Variants in SCLT1 observed in about 807,000 individuals in gnomAD.
The protein encoded by SCLT1 is sodium channel-associated protein 1.
Under a neutral mutation model 112.8 loss-of-function variants are expected in SCLT1, and 78 were observed. That is an observed-to-expected ratio of 0.69 (90% CI 0.58 to 0.83). The LOEUF is 0.83. Ranked by LOEUF, SCLT1 falls within the 40% of genes least tolerant of loss-of-function variation. SCLT1 has a pLI of 0.00. For synonymous variants in SCLT1, 257 were observed against 254.7 expected, an observed-to-expected ratio of 1.01 and a Z score of -0.09; for missense variants, 747 against 770.4, an observed-to-expected ratio of 0.97 and a Z score of 0.36.
chr4:129,008,197 T>C (rs1019454544), intron 5 of SCLT1, among the ~76,000 whole-genome samples: 2 of 152,232 alleles, frequency 1.3e-5, no homozygotes, highest in Non-Finnish European at 2.9e-5. Flanking sequence ...TCCTTCTTTT[T>C]TGGGATTTGG....
rs528905688 is a variant in SCLT1 at position 129,053,557 on chromosome 4, A to ATTTTTTTT, written c.103-9514_103-9507dup. 6.6e-4 allele frequency among the ~76,000 whole-genome samples: 30 copies of ATTTTTTTT among 45,232 alleles called. 3 individuals are homozygous for ATTTTTTTT. Among genetic ancestry groups the ATTTTTTTT allele is most frequent in the South Asian group, 1.2e-3 (1 of 868 alleles). 29.7% of individuals were successfully genotyped at this position (45,232 alleles called of 152,430 possible). On this transcript the variant is annotated intron_variant, in intron 2 of 20. Coordinates refer to ENST00000281142, the MANE Select transcript of SCLT1 (RefSeq NM_144643.4). The stretch of plus-strand genomic sequence containing the variant: ...TTAGAGACTAGGATTGCAATCCCTG[A>ATTTTTTTT]TTTTTTTTTTTTTTTTTTTTTTTTT...
chr4:128,962,448 T>C (rs772824801), intron 11 of SCLT1, among the ~76,000 whole-genome samples: 7 of 152,200 alleles, frequency 4.6e-5, no homozygotes, highest in Non-Finnish European at 1.0e-4. Flanking sequence ...CAGACGTTAA[T>C]TGTATATTAT....
intron 18 of SCLT1, among the ~76,000 whole-genome samples, chr4:128,915,534 T>A (rs1735407241): frequency 6.6e-6 from 1 of 152,308 alleles, no homozygotes; most frequent in East Asian, 1.9e-4. Flanking sequence ...TATACAGCAG[T>A]GGTACAATTA....
At chr4:129,042,893 T>G (rs1020356039) in intron 4 of SCLT1, among the ~76,000 whole-genome samples, 1 of 151,786 alleles carries the variant, frequency 6.6e-6, no homozygotes, top group Non-Finnish European at 1.5e-5. Context: ...GCCAACATGG[T>G]GAAACTCCAT....
intron 18 of SCLT1, among the ~76,000 whole-genome samples, chr4:128,899,800 T>C (rs181198978): frequency 6.6e-6 from 1 of 152,342 alleles, no homozygotes; most frequent in Admixed American, 6.5e-5. Context: ...CAAAATCTCC[T>C]TAAGCTGATA....
intron 14 of SCLT1, chr4:128,952,520 T>C: frequency 3.6e-6 from 2 of 557,454 alleles, no homozygotes; most frequent in Non-Finnish European, 6.6e-6. Context: ...AGCAATAGCA[T>C]CCTGTGCATT....
chr4:129,026,716 G>A (rs1236974280), intron 5 of SCLT1, among the ~76,000 whole-genome samples: 1 of 152,156 alleles, frequency 6.6e-6, no homozygotes, highest in African/African-American at 2.4e-5. Flanking sequence ...AGAACTGAAG[G>A]AAACAGAGAC....
intron 18 of SCLT1, among the ~76,000 whole-genome samples, chr4:128,931,325 C>T (rs1021150321): frequency 1.3e-5 from 2 of 152,062 alleles, no homozygotes; most frequent in Non-Finnish European, 2.9e-5. Context: ...GACAGTATGA[C>T]TAAAAAGGAA....
intron 18 of SCLT1, among the ~76,000 whole-genome samples, chr4:128,899,951 A>G (rs1474850787): frequency 6.6e-6 from 1 of 152,206 alleles, no homozygotes; most frequent in East Asian, 1.9e-4. Context: ...TAAAATACCT[A>G]GGAATCCAAC....
At chr4:129,028,951 G>C (rs1361231951) in intron 5 of SCLT1, among the ~76,000 whole-genome samples, 4 of 152,152 alleles carry the variant, frequency 2.6e-5, no homozygotes, top group Non-Finnish European at 5.9e-5. Context: ...GGCAATCAGA[G>C]AAATGCAAAT....
intron 2 of SCLT1, among the ~76,000 whole-genome samples, chr4:129,060,797 G>A (rs1749897188): frequency 6.6e-6 from 1 of 152,178 alleles, no homozygotes. Context: ...CAGTGGCACT[G>A]GGTTCCTGGT....
intron 2 of SCLT1, among the ~76,000 whole-genome samples, chr4:129,075,972 A>C (rs978495267): frequency 6.6e-6 from 1 of 152,028 alleles, no homozygotes; most frequent in African/African-American, 2.4e-5. Flanking sequence ...TCTTTGGCTC[A>C]ATCTTCATTT....
chr4:129,008,287 G>A lies in SCLT1; in HGVS notation c.291-4411C>T, dbSNP rs748441173. Among the ~76,000 whole-genome samples the A allele has an allele frequency of 4.6e-5, 7 of 152,088 alleles. No individual in the cohort carries two copies. The East Asian group carries it at 9.7e-4, about 21-fold the overall frequency. ...AACCCTCCTTCTTGAAGAACATTTC[G>A]CTGAGCACACAATTCTTAGTTGACA... On this transcript the variant is annotated intron_variant, in intron 5 of 20. Transcript: ENST00000281142.
At chr4:129,063,100 G>A (rs1750137791) in intron 2 of SCLT1, among the ~76,000 whole-genome samples, 1 of 152,080 alleles carries the variant, frequency 6.6e-6, no homozygotes. Flanking sequence ...GTCTGACTGG[G>A]TAATTTCAAA....
At chr4:129,000,065 T>C (rs1376011455) in intron 6 of SCLT1, among the ~76,000 whole-genome samples, 1 of 151,926 alleles carries the variant, frequency 6.6e-6, no homozygotes, top group Non-Finnish European at 1.5e-5. Context: ...GATGTAGATT[T>C]AAACCATGTT....
At chr4:128,940,025 A>G (rs17013957) in intron 17 of SCLT1, among the ~76,000 whole-genome samples, 4,961 of 152,244 alleles carry the variant, frequency 0.033, 219 homozygotes, top group African/African-American at 0.1. Flanking sequence ...TAAGCTAGAT[A>G]CAGATTTGGT....
chr4:128,877,212 AG>A (rs1732542719), intron 3 of SCLT1, among the ~76,000 whole-genome samples: 2 of 152,244 alleles, frequency 1.3e-5, no homozygotes, highest in African/African-American at 4.8e-5. Context: ...TATGTTAATT[AG>A]TTTAATCCTT....
chr4:128,903,281 T>C (rs1311215421), intron 18 of SCLT1, among the ~76,000 whole-genome samples: 1 of 150,526 alleles, frequency 6.6e-6, no homozygotes, highest in Non-Finnish European at 1.5e-5. Flanking sequence ...CACTAAGACA[T>C]TATAACAGCT....
At chr4:129,065,345 T>TTG (rs980680367) in intron 2 of SCLT1, among the ~76,000 whole-genome samples, 2 of 152,004 alleles carry the variant, frequency 1.3e-5, no homozygotes, top group African/African-American at 2.4e-5. Context: ...ATAGTTGGTT[T>TTG]TGTGTGTGTG....
Sources: gnomAD v4.1 joint callset for allele counts (sites outside exome capture counted in the v4.1 genomes callset) on GRCh38, gnomAD v4.1.1 for gene constraint, MANE v1.5 for transcripts, NCBI Gene and HGNC (gene_info 2026-07-23, HGNC 2026-07-21) for gene names.